MCTP1: variants seen among roughly 807,000 people sequenced by gnomAD.
The protein encoded by MCTP1 is multiple C2 and transmembrane domain containing 1, also known as multiple C2 and transmembrane domain-containing protein 1.
In MCTP1, 69 loss-of-function variants were observed where a neutral mutation model predicts 120.6. The observed-to-expected ratio is 0.57, with a 90% CI of 0.47 to 0.70. The LOEUF is 0.70. Ranked by LOEUF, MCTP1 falls within the 30% of genes least tolerant of loss-of-function variation. The pLI, the probability that MCTP1 is intolerant of heterozygous loss-of-function variation, is 0.00. For missense variants in MCTP1, 1,203 were observed against 1,248.8 expected (o/e 0.96, Z 0.55); for synonymous variants, 529 against 493.1 (o/e 1.07, Z -0.96).
At chr5:95,003,520 A>C (rs553926853) in intron 2 of MCTP1, among the ~76,000 whole-genome samples, 1 of 152,360 alleles carries the variant, frequency 6.6e-6, no homozygotes, top group African/African-American at 2.4e-5. Flanking sequence ...GCAATGCATG[A>C]CCAAAACTTA....
chr5:94,953,487 TAA>T, intron 2 of MCTP1, 126 bp from the exon 3 acceptor site: 1 of 616,216 alleles, frequency 1.6e-6, no homozygotes, highest in East Asian at 3.3e-5. Flanking sequence ...TATGCAGAAA[TAA>T]GAGTTAAGTG....
At chr5:94,906,101 TG>T (rs1381301605) in intron 10 of MCTP1, among the ~76,000 whole-genome samples, 1 of 152,154 alleles carries the variant, frequency 6.6e-6, no homozygotes, top group Non-Finnish European at 1.5e-5. Context: ...GTCATTGAAT[TG>T]AACAATGTGG....
Position 94,915,640 on chromosome 5 carries a change from G to A in MCTP1, c.1350+2256C>T, listed in dbSNP as rs1809859275. Among the ~76,000 whole-genome samples the A allele has an allele frequency of 1.3e-5, 2 of 152,116 alleles. 1 individual carries two copies. Among genetic ancestry groups the A allele is most frequent in the South Asian group, 4.2e-4 (2 of 4,802 alleles). On this transcript the variant is annotated intron_variant, in intron 8 of 22. Transcript: ENST00000515393. ...GTCTAAAATAGTGCCTTCCTTGCTTGCTCCTCCTTTCATTTTGTTTTCTGG... is the reference window on the plus strand; with the variant it reads ...GTCTAAAATAGTGCCTTCCTTGCTTACTCCTCCTTTCATTTTGTTTTCTGG...
chr5:95,137,336 C>T lies in MCTP1; in HGVS notation c.721-119852G>A, dbSNP rs10085023. Among the ~76,000 whole-genome samples, 83 of 152,272 alleles carry T rather than the reference C, an allele frequency of 5.5e-4. 1 individual carries two copies. The highest frequency in any genetic ancestry group is 1.9e-3 in the African/African-American group (77 of 41,538). Reference sequence around the variant, plus strand: ...TGGATTCTCCAAGCCTCAGCATTGTCGTCAATAACACGATAGTCCCTGGCT... The same window carrying T: ...TGGATTCTCCAAGCCTCAGCATTGTTGTCAATAACACGATAGTCCCTGGCT... On this transcript the variant is annotated intron_variant, in intron 1 of 22. Transcript: ENST00000515393.
intron 2 of MCTP1, among the ~76,000 whole-genome samples, chr5:95,008,839 A>G (rs921209842): frequency 6.6e-6 from 1 of 152,096 alleles, no homozygotes; most frequent in African/African-American, 2.4e-5. Context: ...TAAGCCAAGA[A>G]ATGCTTGCAG....
At chr5:95,262,188 A>G (rs1252660630) in intron 1 of MCTP1, among the ~76,000 whole-genome samples, 1 of 152,204 alleles carries the variant, frequency 6.6e-6, no homozygotes, top group East Asian at 1.9e-4. Flanking sequence ...CTGTTCATTT[A>G]CCTTCATGAG....
chr5:94,841,694 T>G (rs1412428177), intron 17 of MCTP1, among the ~76,000 whole-genome samples: 1 of 152,196 alleles, frequency 6.6e-6, no homozygotes, highest in Non-Finnish European at 1.5e-5. Context: ...AAAAACACAT[T>G]CTGAATGGAT....
In MCTP1 at chr5:95,284,375, T is replaced by G; in HGVS notation, c.201A>C (p.Ala67=). The G allele has an allele frequency of 6.3e-7, 1 of 1,595,018 alleles. No homozygotes were observed. Among genetic ancestry groups the G allele is most frequent in the South Asian group, 1.1e-5 (1 of 90,716 alleles). ...SPPPPVGTGN[A]PARGSGAGSR... ...TGCCTGCACCACTCCCCCTGGCCGG[T>G]GCATTCCCTGTGCCCACCGGGGGTG... The change falls in exon 1 of 23, where the codon GCA becomes GCC. Residue 67 remains alanine (A), a synonymous_variant. Coordinates refer to ENST00000515393, the MANE Select transcript of MCTP1 (RefSeq NM_024717.7). The surrounding 1 kb of genome is among the most constrained non-coding windows in gnomAD (Gnocchi z 5.2).
At chr5:95,213,434 C>T (rs1173535415) in intron 1 of MCTP1, among the ~76,000 whole-genome samples, 10 of 152,198 alleles carry the variant, frequency 6.6e-5, no homozygotes, top group Non-Finnish European at 1.2e-4. Flanking sequence ...AATGGCCATA[C>T]TGCCCAAGGT....
rs1166132450 is a variant in MCTP1, at chr5:95,136,665, T to C, written c.721-119181A>G. Among the ~76,000 whole-genome samples the C allele has an allele frequency of 3.9e-5, 6 of 152,220 alleles. No individual in the cohort carries two copies. In the East Asian group the frequency reaches 1.2e-3, roughly 29 times the overall value. On this transcript the variant is annotated intron_variant, in intron 1 of 22. Transcript: ENST00000515393. Reference sequence around the variant, plus strand: ...AATGTGTCCGACTCTATGTTTTTAATCTTTACAATAATTTTATATGTAAAT... The same window carrying C: ...AATGTGTCCGACTCTATGTTTTTAACCTTTACAATAATTTTATATGTAAAT...
intron 1 of MCTP1, among the ~76,000 whole-genome samples, chr5:95,216,542 T>C (rs191435684): frequency 2.0e-5 from 3 of 152,148 alleles, no homozygotes; most frequent in Non-Finnish European, 4.4e-5. Context: ...CCTGCTGGGA[T>C]GGCTCTACAC....
intron 12 of MCTP1, among the ~76,000 whole-genome samples, chr5:94,877,076 A>T (rs1799047162): frequency 2.0e-5 from 3 of 151,986 alleles, no homozygotes; most frequent in Admixed American, 2.0e-4. Context: ...ATGCTATTCT[A>T]TAACTCCAGA....
At chr5:95,225,470 G>T (rs1287484344) in intron 1 of MCTP1, among the ~76,000 whole-genome samples, 2 of 152,142 alleles carry the variant, frequency 1.3e-5, no homozygotes, top group Non-Finnish European at 1.5e-5. Context: ...CTCCAAAAGA[G>T]ATTAGATGCT....
At chr5:95,118,261 A>C (rs1257324887) in intron 1 of MCTP1, among the ~76,000 whole-genome samples, 2 of 152,204 alleles carry the variant, frequency 1.3e-5, no homozygotes, top group Non-Finnish European at 2.9e-5. Context: ...TAAGGTGTAG[A>C]GTTTTTATTA....
At chr5:94,762,728 T>G (rs958748778) in intron 19 of MCTP1, among the ~76,000 whole-genome samples, 1 of 152,212 alleles carries the variant, frequency 6.6e-6, no homozygotes, top group African/African-American at 2.4e-5. Flanking sequence ...TTTTCTGATC[T>G]CAGTTTCTTC....
At chr5:95,147,585 T>C in intron 1 of MCTP1, among the ~76,000 whole-genome samples, 1 of 152,240 alleles carries the variant, frequency 6.6e-6, no homozygotes, top group East Asian at 1.9e-4. Flanking sequence ...TTTCAGCTTG[T>C]GGGTGTCACT....
intron 1 of MCTP1, among the ~76,000 whole-genome samples, chr5:95,161,127 G>C (rs79368417): frequency 0.016 from 2,462 of 152,232 alleles, 59 homozygotes; most frequent in African/African-American, 0.056. Flanking sequence ...GTATGCTGAA[G>C]AGATATCTGT....
rs117830771 is a variant in MCTP1 at position 94,786,250 on chromosome 5, G to T, written c.2557-7087C>A. Among the ~76,000 whole-genome samples the T allele has an allele frequency of 5.1e-3, 769 of 152,134 alleles. 17 individuals are homozygous for T. The highest frequency in any genetic ancestry group is 0.043 in the East Asian group (221 of 5,186). ...AAAGAATATTCTGACACTAATTTGAGTTTTCTTTTTCTTTTCTTTTCCATC... is the reference window on the plus strand; with the variant it reads ...AAAGAATATTCTGACACTAATTTGATTTTTCTTTTTCTTTTCTTTTCCATC... On this transcript the variant is annotated intron_variant, in intron 18 of 22. Transcript: ENST00000515393.
chr5:94,762,178 A>G (rs1415295719), intron 19 of MCTP1, among the ~76,000 whole-genome samples: 1 of 152,260 alleles, frequency 6.6e-6, no homozygotes, highest in Non-Finnish European at 1.5e-5. Context: ...TTGGAGGCAG[A>G]CAGACTAAAG....
Sources: gnomAD v4.1 joint callset for allele counts (sites outside exome capture counted in the v4.1 genomes callset) on GRCh38, gnomAD v4.1.1 for gene constraint, Gnocchi (gnomAD v3.1) non-coding constraint, MANE v1.5 for transcripts, NCBI Gene and HGNC (gene_info 2026-07-23, HGNC 2026-07-21) for gene names.